The following ZNF410 variants were observed in gnomAD, a reference collection of about 807,000 sequenced individuals.
ZNF410 encodes the protein zinc finger protein 410.
ZNF410 carries 18 observed loss-of-function variants against 54.8 expected under a neutral mutation model. That is an observed-to-expected ratio of 0.33 (90% CI 0.23 to 0.49). ZNF410 has a LOEUF of 0.49. Ranked by LOEUF, ZNF410 falls within the 20% of genes least tolerant of loss-of-function variation. The pLI, the probability that ZNF410 is intolerant of heterozygous loss-of-function variation, is 0.99. For synonymous variants in ZNF410, 191 were observed against 207.3 expected (o/e 0.92, Z 0.68); for missense variants, 405 against 569.6 (o/e 0.71, Z 2.94).
intron 8 of ZNF410, chr14:73,916,675 G>T (rs2055672022): frequency 6.6e-6 from 1 of 152,064 alleles, no homozygotes; most frequent in Non-Finnish European, 1.5e-5. Context: ...GCCCGTTGCT[G>T]TTAGGTTGTC....
intron 1 of ZNF410, among the ~76,000 whole-genome samples, chr14:73,890,030 T>C (rs11628039): frequency 0.49 from 74,306 of 151,718 alleles, 18,402 homozygotes; most frequent in South Asian, 0.61. Flanking sequence ...CTCCTGACCT[T>C]GTGTTCCGCC....
intron 8 of ZNF410, chr14:73,914,346 G>T (rs71429026): frequency 6.6e-6 from 1 of 152,202 alleles, no homozygotes; most frequent in African/African-American, 2.4e-5. Context: ...GCTAATTTTT[G>T]TATTTTTGGT....
At chr14:73,900,991 A>C (rs2140301946) in intron 5 of ZNF410, among the ~76,000 whole-genome samples, 1 of 152,376 alleles carries the variant, frequency 6.6e-6, no homozygotes, top group East Asian at 1.9e-4. Flanking sequence ...TCAATATTTT[A>C]ATGCATTTTT....
At chr14:73,926,205 A>C (rs539494776) in intron 11 of ZNF410, among the ~76,000 whole-genome samples, 1 of 152,152 alleles carries the variant, frequency 6.6e-6, no homozygotes, top group African/African-American at 2.4e-5. Context: ...AAACTATAAT[A>C]TCTTTACCAC....
intron 11 of ZNF410, among the ~76,000 whole-genome samples, chr14:73,925,289 T>A: frequency 6.6e-6 from 1 of 152,192 alleles, no homozygotes; most frequent in East Asian, 1.9e-4. Flanking sequence ...TCTCCTCCAT[T>A]TTTCTTGTCT....
At chr14:73,898,445 A>C (rs979232304) in intron 5 of ZNF410, 183 bp downstream of exon 5, 7 of 666,124 alleles carry the variant, frequency 1.1e-5, no homozygotes, top group Non-Finnish European at 1.7e-5. Flanking sequence ...ATTTGTGTTC[A>C]AAACCAACTA....
intron 8 of ZNF410, among the ~76,000 whole-genome samples, chr14:73,910,942 T>C (rs1341659648): frequency 6.6e-6 from 1 of 151,202 alleles, no homozygotes; most frequent in Non-Finnish European, 1.5e-5. Context: ...CACATATTTA[T>C]AAGAGGGGTT....
At chr14:73,889,550 G>A (rs577743192) in intron 1 of ZNF410, among the ~76,000 whole-genome samples, 107 of 151,830 alleles carry the variant, frequency 7.0e-4, no homozygotes, top group Non-Finnish European at 1.4e-3. Flanking sequence ...CACTATTCAC[G>A]CCAATGATTT....
chr14:73,931,636 A>T lies in ZNF410; in HGVS notation c.*95A>T. 1 of 1,183,790 alleles carries T rather than the reference A, an allele frequency of 8.4e-7. No individual in the cohort carries two copies. The highest frequency in any genetic ancestry group is 1.2e-6 in the Non-Finnish European group (1 of 807,490). The allele number at this position is 1,183,790 out of a possible 1,614,324, so 73.3% of individuals were successfully genotyped here. A position where few individuals can be genotyped will look rare whatever the true frequency, so the allele number is the denominator to read the frequency against. The stretch of plus-strand genomic sequence containing the variant: ...CTTAGCCCACAACAGAACCAGAATG[A>T]ATCTTTGAAGGCACAAGACTCTGCT... On this transcript the variant is annotated 3_prime_UTR_variant, in exon 12 of 12. Transcript: ENST00000555044.
At chr14:73,930,108 A>G (rs1203757565) in intron 11 of ZNF410, among the ~76,000 whole-genome samples, 1 of 152,182 alleles carries the variant, frequency 6.6e-6, no homozygotes, top group African/African-American at 2.4e-5. Flanking sequence ...TGCTTTCCAA[A>G]TCAAGGCACA....
intron 8 of ZNF410, 180 bp downstream of exon 8, chr14:73,909,610 G>GGT (rs1555353717): frequency 6.0e-6 from 3 of 503,804 alleles, no homozygotes; most frequent in Admixed American, 3.7e-5. Flanking sequence ...TCAAGGTTGG[G>GGT]GGGGGGACAT....
intron 8 of ZNF410, among the ~76,000 whole-genome samples, chr14:73,910,017 CTG>C (rs2055553030): frequency 6.6e-6 from 1 of 152,174 alleles, no homozygotes; most frequent in African/African-American, 2.4e-5. Context: ...TTTGCTCACT[CTG>C]TGCAGATATA....
chr14:73,932,118 A>G lies in ZNF410; in HGVS notation c.*577A>G, dbSNP rs546299626. 3.6e-5 allele frequency: 16 copies of G among 439,124 alleles called. No homozygotes were observed. The highest frequency in any genetic ancestry group is 8.1e-5 in the African/African-American group (4 of 49,668). The allele number at this position is 439,124 out of a possible 1,614,324, so 27.2% of individuals were successfully genotyped here. A position where few individuals can be genotyped will look rare whatever the true frequency, so the allele number is the denominator to read the frequency against. ...TCCCCTTGGCCCAGGCTGAGGTACT[A>G]TCTTGTCCTATACACTTCTACTTGG... is the stretch of plus-strand genomic sequence containing the variant. On this transcript the variant is annotated 3_prime_UTR_variant, in exon 12 of 12. Transcript: ENST00000555044.
intron 7 of ZNF410, among the ~76,000 whole-genome samples, chr14:73,907,152 ACAT>A (rs2055501917): frequency 6.6e-6 from 1 of 152,208 alleles, no homozygotes; most frequent in African/African-American, 2.4e-5. Context: ...AACTTGCCCA[ACAT>A]CATGCAGGTA....
rs140469351 is a variant in ZNF410 at position 73,917,690 on chromosome 14, G to T, written c.1004-3290G>T. On this transcript the variant is annotated intron_variant, in intron 8 of 11. Transcript: ENST00000555044. ...ATACAAAAATTAGCTGGGTGTGGTG[G>T]CATGTGCCTGTAATCCCAACTACTC... 6.2e-3 allele frequency among the ~76,000 whole-genome samples: 937 copies of T among 152,198 alleles called. 4 individuals are homozygous for T. Among genetic ancestry groups the T allele is most frequent in the African/African-American group, 0.021 (890 of 41,510 alleles).
At chr14:73,898,606 T>G in intron 5 of ZNF410, 1 of 362,020 alleles carries the variant, frequency 2.8e-6, no homozygotes, top group Non-Finnish European at 4.8e-6. Context: ...TTAGAGCTCT[T>G]ATACCATCAT....
chr14:73,889,188 T>C (rs1481530771), intron 1 of ZNF410, among the ~76,000 whole-genome samples: 1 of 152,064 alleles, frequency 6.6e-6, no homozygotes, highest in Non-Finnish European at 1.5e-5. Context: ...GAATTCTTGT[T>C]TTTTTTGAGA....
chr14:73,904,160 G>A (rs111988368), intron 6 of ZNF410, 50 bp downstream of exon 6: 1 of 1,571,652 alleles, frequency 6.4e-7, no homozygotes, highest in African/African-American at 1.4e-5. Flanking sequence ...TGCAAAAGTT[G>A]ATTCTTCCAG....
Position 73,926,404 on chromosome 14 carries a change from T to G in ZNF410, c.1398+2882T>G, listed in dbSNP as rs572696280. 2.6e-5 allele frequency among the ~76,000 whole-genome samples: 4 copies of G among 152,148 alleles called. No homozygotes were observed. The East Asian group carries it at 7.7e-4, about 29-fold the overall frequency. ...CCTTTTTTTTCAGTATGGTTATCTA[T>G]TTAAGGAACTGGGTTTTTTGTTTTG... On this transcript the variant is annotated intron_variant, in intron 11 of 11. Transcript: ENST00000555044.
Sources: allele counts gnomAD v4.1 joint callset (sites outside exome capture counted in the v4.1 genomes callset), GRCh38; gene constraint gnomAD v4.1.1; transcripts MANE v1.5; gene names NCBI Gene and HGNC (gene_info 2026-07-23, HGNC 2026-07-21).